DNER: variants seen among roughly 807,000 people sequenced by gnomAD.
The protein encoded by DNER is delta and Notch-like epidermal growth factor-related receptor.
Under a neutral mutation model 78.2 loss-of-function variants are expected in DNER, and 33 were observed. The observed-to-expected ratio is 0.42, with a 90% CI of 0.32 to 0.56. The LOEUF is 0.56. Among genes scored for constraint, DNER ranks in the 20% least tolerant of loss-of-function variants. DNER has a pLI of 0.11. For missense variants in DNER, 918 were observed against 975.3 expected (o/e 0.94, Z 0.78); for synonymous variants, 417 against 384.8 (o/e 1.08, Z -0.98).
At chr2:229,577,800 A>G (rs968640397) in intron 4 of DNER, among the ~76,000 whole-genome samples, 3 of 152,246 alleles carry the variant, frequency 2.0e-5, no homozygotes, top group Non-Finnish European at 4.4e-5. Flanking sequence ...ATGAGTTAAC[A>G]CATTTTAAAG....
chr2:229,541,819 G>A (rs1696519421), intron 5 of DNER, among the ~76,000 whole-genome samples: 1 of 149,678 alleles, frequency 6.7e-6, no homozygotes, highest in Non-Finnish European at 1.5e-5. Flanking sequence ...AATTGCATGA[G>A]CCAGTTCCTT....
chr2:229,670,496 G>A (rs907219946), intron 1 of DNER, among the ~76,000 whole-genome samples: 1 of 152,212 alleles, frequency 6.6e-6, no homozygotes, highest in Non-Finnish European at 1.5e-5. Flanking sequence ...CTGGACTGTA[G>A]GAATGATACA....
At chr2:229,655,781 A>G (rs1034294658) in intron 1 of DNER, among the ~76,000 whole-genome samples, 1 of 152,100 alleles carries the variant, frequency 6.6e-6, no homozygotes, top group African/African-American at 2.4e-5. Flanking sequence ...TGGGTCCTAA[A>G]TGCAATGGCA....
chr2:229,681,530 A>G (rs1385335582), intron 1 of DNER, among the ~76,000 whole-genome samples: 1 of 152,124 alleles, frequency 6.6e-6, no homozygotes, highest in Non-Finnish European at 1.5e-5. Flanking sequence ...AAATAGTTTC[A>G]TTTAATAATA....
At chr2:229,685,788 A>T (rs1699473501) in intron 1 of DNER, among the ~76,000 whole-genome samples, 1 of 152,216 alleles carries the variant, frequency 6.6e-6, no homozygotes, top group African/African-American at 2.4e-5. Context: ...ATACTAGACA[A>T]AGTGCCTGTC....
At chr2:229,694,843 G>T (rs1023118162) in intron 1 of DNER, among the ~76,000 whole-genome samples, 1 of 152,200 alleles carries the variant, frequency 6.6e-6, no homozygotes, top group African/African-American at 2.4e-5. Context: ...AATTAGTTAA[G>T]ATTTTGGGGG....
At chr2:229,509,732 T>C (rs1428591972) in intron 6 of DNER, among the ~76,000 whole-genome samples, 1 of 152,154 alleles carries the variant, frequency 6.6e-6, no homozygotes, top group African/African-American at 2.4e-5. Context: ...GGAGAATCTC[T>C]TGAACCTGGA....
chr2:229,474,325 G>C (rs914353572), intron 7 of DNER, among the ~76,000 whole-genome samples: 1 of 152,206 alleles, frequency 6.6e-6, no homozygotes, highest in South Asian at 2.1e-4. Flanking sequence ...CCAGTCACCA[G>C]GTATGAGCTC....
chr2:229,576,290 A>C (rs1309625598), intron 4 of DNER, among the ~76,000 whole-genome samples: 1 of 151,294 alleles, frequency 6.6e-6, no homozygotes, highest in East Asian at 1.9e-4. Flanking sequence ...AGAGGACAAA[A>C]TGTAACATTC....
chr2:229,559,913 T>C (rs68150706), intron 4 of DNER, among the ~76,000 whole-genome samples: 19,440 of 152,212 alleles, frequency 0.13, 1,414 homozygotes, highest in Middle Eastern at 0.25. Context: ...TGCCCACAAC[T>C]CCAAGCTGTG....
At chr2:229,377,828 T>C (rs2106330881) in intron 11 of DNER, among the ~76,000 whole-genome samples, 1 of 152,268 alleles carries the variant, frequency 6.6e-6, no homozygotes, top group East Asian at 1.9e-4. Flanking sequence ...CATTGGTGGG[T>C]GGTACGAAAG....
rs114217194 is a variant in DNER at position 229,481,196 on chromosome 2, C to T, written c.1148-3943G>A. 4.9e-3 allele frequency among the ~76,000 whole-genome samples: 740 copies of T among 152,274 alleles called. 8 individuals are homozygous for T. The highest frequency in any genetic ancestry group is 0.017 in the African/African-American group (687 of 41,556). On this transcript the variant is annotated intron_variant, in intron 6 of 12. Coordinates refer to ENST00000341772, the MANE Select transcript of DNER (RefSeq NM_139072.4). ...TGGTGCGAGCGTTTCCCAAATTAGA[C>T]GTATGGACCATGATGGCAGGAGCTC...
chr2:229,479,870 T>C (rs893011400), intron 6 of DNER, among the ~76,000 whole-genome samples: 7 of 152,146 alleles, frequency 4.6e-5, no homozygotes, highest in Admixed American at 1.3e-4. Context: ...AAAAGTATAG[T>C]ACATTTATGA....
At chr2:229,525,669 A>G (rs1451750071) in intron 5 of DNER, among the ~76,000 whole-genome samples, 1 of 152,074 alleles carries the variant, frequency 6.6e-6, no homozygotes, top group East Asian at 1.9e-4. Flanking sequence ...CGGGAGTGCA[A>G]TGGCGTGAAC....
chr2:229,573,173 G>T (rs1353644019), intron 4 of DNER, among the ~76,000 whole-genome samples: 1 of 152,112 alleles, frequency 6.6e-6, no homozygotes, highest in African/African-American at 2.4e-5. Context: ...TTATCCATTT[G>T]TCTACCAAGC....
intron 6 of DNER, among the ~76,000 whole-genome samples, chr2:229,505,596 G>A (rs571018917): frequency 4.6e-5 from 7 of 152,140 alleles, no homozygotes; most frequent in Non-Finnish European, 8.8e-5. Context: ...ACAGATTCAA[G>A]GAGAGCAGAA....
intron 1 of DNER, among the ~76,000 whole-genome samples, chr2:229,686,205 C>G (rs1699479964): frequency 6.6e-6 from 1 of 152,088 alleles, no homozygotes; most frequent in Non-Finnish European, 1.5e-5. Flanking sequence ...ATTTGCACTC[C>G]CCACAGAATG....
chr2:229,700,944 C>T (rs1699736907), intron 1 of DNER, among the ~76,000 whole-genome samples: 1 of 150,126 alleles, frequency 6.7e-6, no homozygotes, highest in Non-Finnish European at 1.5e-5. Flanking sequence ...TTAAGGAAAA[C>T]ATTGCAGAAC....
intron 11 of DNER, among the ~76,000 whole-genome samples, chr2:229,383,055 G>T (rs1384620401): frequency 6.6e-6 from 1 of 152,178 alleles, no homozygotes; most frequent in African/African-American, 2.4e-5. Flanking sequence ...CAGACTAACG[G>T]CAGATCTCTC....
Sources: gnomAD v4.1 joint callset for allele counts (sites outside exome capture counted in the v4.1 genomes callset) on GRCh38, gnomAD v4.1.1 for gene constraint, MANE v1.5 for transcripts, NCBI Gene and HGNC (gene_info 2026-07-23, HGNC 2026-07-21) for gene names.